The following PKNOX2 variants were observed in gnomAD, a reference collection of about 807,000 sequenced individuals.
PKNOX2 encodes homeobox protein PKNOX2.
In PKNOX2, 14 loss-of-function variants were observed where a neutral mutation model predicts 53.1. The ratio of observed to expected loss-of-function variants is 0.26; its 90% CI spans 0.17 to 0.41. The LOEUF (loss-of-function observed/expected upper bound fraction) is 0.41. Among genes scored for constraint, PKNOX2 ranks in the 10% least tolerant of loss-of-function variants. PKNOX2 has a pLI of 1.00. For synonymous variants in PKNOX2, 257 were observed against 242.8 expected, an observed-to-expected ratio of 1.06 and a Z score of -0.54; for missense variants, 496 against 602.8, an observed-to-expected ratio of 0.82 and a Z score of 1.85.
chr11:125,403,410 C>G (rs998219741), intron 7 of PKNOX2, among the ~76,000 whole-genome samples: 4 of 152,152 alleles, frequency 2.6e-5, no homozygotes, highest in African/African-American at 9.7e-5. Context: ...CCAAGAAGAG[C>G]TGGCAGAAGG....
intron 2 of PKNOX2, among the ~76,000 whole-genome samples, chr11:125,310,482 G>A (rs770276879): frequency 2.5e-4 from 38 of 151,376 alleles, no homozygotes; most frequent in Middle Eastern, 6.8e-3. Context: ...GAGATAGAGT[G>A]AGACTCTGTC....
chr11:125,253,636 C>G (rs957347114), intron 2 of PKNOX2, among the ~76,000 whole-genome samples: 2 of 152,178 alleles, frequency 1.3e-5, no homozygotes, highest in Non-Finnish European at 2.9e-5. Flanking sequence ...TGGCTGTCAC[C>G]TCATTTCTAC....
chr11:125,350,168 T>C (rs2136196977), intron 3 of PKNOX2, among the ~76,000 whole-genome samples: 1 of 152,336 alleles, frequency 6.6e-6, no homozygotes, highest in East Asian at 1.9e-4. Context: ...AACTAGCCTG[T>C]GGCTTCTAGA....
chr11:125,218,005 G>A (rs770981832), intron 1 of PKNOX2, among the ~76,000 whole-genome samples: 3 of 152,106 alleles, frequency 2.0e-5, no homozygotes, highest in Non-Finnish European at 4.4e-5. Context: ...AGAGACAGAC[G>A]GCCCTGTTTG....
intron 10 of PKNOX2, among the ~76,000 whole-genome samples, chr11:125,427,806 ACT>A (rs1302378651): frequency 6.6e-6 from 1 of 151,522 alleles, no homozygotes; most frequent in Non-Finnish European, 1.5e-5. Flanking sequence ...CCAGGACAAA[ACT>A]CTGACTTATT....
intron 1 of PKNOX2, among the ~76,000 whole-genome samples, chr11:125,186,581 G>A (rs561437375): frequency 3.3e-5 from 5 of 152,302 alleles, no homozygotes; most frequent in African/African-American, 1.2e-4. Flanking sequence ...GAGCCCAGGA[G>A]TTTATGGCTA....
chr11:125,180,690 G>A (rs1956108070), intron 1 of PKNOX2, among the ~76,000 whole-genome samples: 1 of 152,210 alleles, frequency 6.6e-6, no homozygotes. Flanking sequence ...GGGGAAAAAG[G>A]GGGTTTGCTC....
intron 1 of PKNOX2, among the ~76,000 whole-genome samples, chr11:125,198,473 T>C (rs1938018456): frequency 6.6e-6 from 1 of 152,216 alleles, no homozygotes; most frequent in Non-Finnish European, 1.5e-5. Flanking sequence ...GCTTTCAGGT[T>C]CTCCTTCGAT....
intron 1 of PKNOX2, among the ~76,000 whole-genome samples, chr11:125,225,560 C>T (rs985977016): frequency 6.6e-6 from 1 of 152,174 alleles, no homozygotes; most frequent in Non-Finnish European, 1.5e-5. Context: ...GACTCCAGCT[C>T]CCCCACCCAC....
rs1398929547 is a variant in PKNOX2, at chr11:125,250,101, C to CATGGG, written c.-130+14988_-130+14992dup. Reference sequence around the variant, plus strand: ...AAAAAAAAAAAAAAAACAATTTAGACATGGGAGTCTCACTATGTTGCCCAG... The same window carrying CATGGG: ...AAAAAAAAAAAAAAAACAATTTAGACATGGGATGGGAGTCTCACTATGTTGCCCAG... On this transcript the variant is annotated intron_variant, in intron 2 of 12. Coordinates refer to ENST00000298282, the MANE Select transcript of PKNOX2 (RefSeq NM_001382323.2). Among the ~76,000 whole-genome samples the CATGGG allele has an allele frequency of 2.8e-4, 37 of 132,832 alleles. 1 individual carries two copies. The East Asian group carries it at 8.7e-3, about 31-fold the overall frequency. The allele number at this position is 132,832 out of a possible 152,430, so 87.1% of individuals were successfully genotyped here.
chr11:125,284,411 A>T (rs1946769105), intron 2 of PKNOX2, among the ~76,000 whole-genome samples: 1 of 152,204 alleles, frequency 6.6e-6, no homozygotes, highest in Non-Finnish European at 1.5e-5. Flanking sequence ...CACAACAACA[A>T]CCAGGATAGA....
intron 2 of PKNOX2, among the ~76,000 whole-genome samples, chr11:125,315,303 G>GCAAAAAAAAAAAAAAAAAAAA (rs1949087067): frequency 3.8e-5 from 3 of 79,454 alleles, no homozygotes; most frequent in African/African-American, 1.2e-4. Flanking sequence ...TGTGAAGCAG[G>GCAAAAAAAAAAAAAAAAAAAA]AAAAAAAAAA....
Position 125,348,561 on chromosome 11 carries a change from A to G in PKNOX2, c.-22-2723A>G, listed in dbSNP as rs191047907. ...CCCTGCTCCGCAGCCTGGTGGGCTC[A>G]GGACTGAACAGTCTCCTCTCAGCCT... On this transcript the variant is annotated intron_variant, in intron 3 of 12. Transcript: ENST00000298282. Among the ~76,000 whole-genome samples, 33 of 152,344 alleles carry G rather than the reference A, an allele frequency of 2.2e-4. No homozygotes were observed. The East Asian group carries it at 5.4e-3, about 25-fold the overall frequency.
Position 125,240,450 on chromosome 11 carries a change from G to T in PKNOX2, c.-130+5335G>T, listed in dbSNP as rs554619986. Among the ~76,000 whole-genome samples the T allele has an allele frequency of 7.0e-4, 106 of 152,248 alleles. No homozygotes were observed. The highest frequency in any genetic ancestry group is 3.4e-3 in the Middle Eastern group (1 of 294). ...TCTCCATAAACCTTTCTGGAGAGGAGCTGGGAAGGAGGGATGGGAGGGAGG... is the reference window on the plus strand; with the variant it reads ...TCTCCATAAACCTTTCTGGAGAGGATCTGGGAAGGAGGGATGGGAGGGAGG... On this transcript the variant is annotated intron_variant, in intron 2 of 12. Coordinates refer to ENST00000298282, the MANE Select transcript of PKNOX2 (RefSeq NM_001382323.2). The surrounding 1 kb of genome is among the most constrained non-coding windows in gnomAD (Gnocchi z 4.3).
intron 2 of PKNOX2, chr11:125,287,983 C>T (rs955805096): frequency 2.0e-5 from 3 of 152,298 alleles, no homozygotes; most frequent in Non-Finnish European, 4.4e-5. Flanking sequence ...CTCCCAGCTC[C>T]AAGTACCTGC....
chr11:125,295,908 G>A (rs1252411417), intron 2 of PKNOX2, among the ~76,000 whole-genome samples: 1 of 152,132 alleles, frequency 6.6e-6, no homozygotes, highest in African/African-American at 2.4e-5. Flanking sequence ...CTTCAAGAAT[G>A]TTCTTCTGTT....
At chr11:125,291,977 G>C (rs1024194764) in intron 2 of PKNOX2, among the ~76,000 whole-genome samples, 1 of 152,182 alleles carries the variant, frequency 6.6e-6, no homozygotes, top group Non-Finnish European at 1.5e-5. Context: ...GAAAAGTTTT[G>C]AGAAGAGATA....
At chr11:125,393,304 T>G (rs1954189838) in intron 6 of PKNOX2, among the ~76,000 whole-genome samples, 2 of 152,128 alleles carry the variant, frequency 1.3e-5, no homozygotes, top group Non-Finnish European at 2.9e-5. Context: ...TTGATAGAGG[T>G]CCTAGAAGTT....
chr11:125,261,776 C>T (rs190155644), intron 2 of PKNOX2, among the ~76,000 whole-genome samples: 139 of 152,358 alleles, frequency 9.1e-4, no homozygotes, highest in Middle Eastern at 3.4e-3. Flanking sequence ...CCGCTCTTTC[C>T]GATCTGCAAA....
Sources: gnomAD v4.1 joint callset for allele counts (sites outside exome capture counted in the v4.1 genomes callset) on GRCh38, gnomAD v4.1.1 for gene constraint, Gnocchi (gnomAD v3.1) non-coding constraint, MANE v1.5 for transcripts, NCBI Gene and HGNC (gene_info 2026-07-23, HGNC 2026-07-21) for gene names.